The following ARHGAP32 variants were observed in gnomAD, a reference collection of about 807,000 sequenced individuals.
The protein encoded by ARHGAP32 is Rho GTPase activating protein 32, also known as rho GTPase-activating protein 32.
In ARHGAP32, 51 loss-of-function variants were observed where a neutral mutation model predicts 186.5. That is an observed-to-expected ratio of 0.27 (90% CI 0.22 to 0.35). ARHGAP32 has a LOEUF of 0.35. Ranked by LOEUF, ARHGAP32 falls within the 10% of genes least tolerant of loss-of-function variation. The pLI is 1.00. For synonymous variants in ARHGAP32, 950 were observed against 964.3 expected (o/e 0.99, Z 0.27); for missense variants, 2,186 against 2,623.5 (o/e 0.83, Z 3.64).
rs1311146233 is a variant in ARHGAP32, at chr11:128,967,552, T to C, written c.*1355A>G. The C allele has an allele frequency of 6.6e-6, 1 of 152,090 alleles. No homozygotes were observed. The highest frequency in any genetic ancestry group is 1.5e-5 in the Non-Finnish European group (1 of 68,020). 9.4% of individuals were successfully genotyped at this position (152,090 alleles called of 1,614,324 possible). Reference sequence around the variant, plus strand: ...CATAGAATGGAGTTGGGCTAGAGAGTTCCTACTCTAATAAGGAATGCAACT... The same window carrying C: ...CATAGAATGGAGTTGGGCTAGAGAGCTCCTACTCTAATAAGGAATGCAACT... On this transcript the variant is annotated 3_prime_UTR_variant, in exon 23 of 23. Transcript: ENST00000682385.
At chr11:129,160,896 G>A (rs1217982489) in intron 2 of ARHGAP32, among the ~76,000 whole-genome samples, 1 of 152,110 alleles carries the variant, frequency 6.6e-6, no homozygotes, top group East Asian at 1.9e-4. Flanking sequence ...CACGCTACCT[G>A]ACTTCAAACT....
chr11:129,121,052 A>T (rs993199837), intron 5 of ARHGAP32, among the ~76,000 whole-genome samples: 1 of 152,232 alleles, frequency 6.6e-6, no homozygotes, highest in East Asian at 1.9e-4. Flanking sequence ...CAAATGTGCT[A>T]ATTTTTACCT....
intron 1 of ARHGAP32, among the ~76,000 whole-genome samples, chr11:129,168,686 A>T (rs1334018628): frequency 6.6e-6 from 1 of 152,182 alleles, no homozygotes; most frequent in East Asian, 1.9e-4. Context: ...CACTAAACCC[A>T]ACAACTACAA....
At chr11:129,106,538 G>A in intron 5 of ARHGAP32, among the ~76,000 whole-genome samples, 1 of 152,026 alleles carries the variant, frequency 6.6e-6, no homozygotes, top group Non-Finnish European at 1.5e-5. Flanking sequence ...GAGGGTGGCA[G>A]TGAGGAAAAG....
rs1427570062 is a variant in ARHGAP32 at position 129,235,943 on chromosome 11, A to G, written c.-5+43203T>C. ...CACACACACACACACACACACACTC[A>G]CACACATTTTCTTTATCCACTCATT... On this transcript the variant is annotated intron_variant, in intron 1 of 6. Coordinates refer to the ARHGAP32 transcript ENST00000525234. Among the ~76,000 whole-genome samples the G allele has an allele frequency of 4.1e-5, 6 of 145,474 alleles. No individual in the cohort carries two copies. The East Asian group carries it at 1.2e-3, about 29-fold the overall frequency.
intron 1 of ARHGAP32, among the ~76,000 whole-genome samples, chr11:129,273,509 A>G (rs1157807324): frequency 2.0e-5 from 3 of 152,190 alleles, no homozygotes; most frequent in African/African-American, 7.2e-5. Context: ...CAGAGCCAAG[A>G]CAAACATCCA....
chr11:129,097,785 G>T (rs1941777940), intron 5 of ARHGAP32, among the ~76,000 whole-genome samples: 1 of 152,084 alleles, frequency 6.6e-6, no homozygotes, highest in South Asian at 2.1e-4. Context: ...TCCCAAATTT[G>T]ATAAAAGACA....
intron 1 of ARHGAP32, among the ~76,000 whole-genome samples, chr11:129,226,941 T>C (rs540783887): frequency 6.6e-6 from 1 of 152,194 alleles, no homozygotes; most frequent in South Asian, 2.1e-4. Flanking sequence ...AAAGCACAGG[T>C]AAAGCTAACT....
At chr11:129,153,452 C>T (rs1296548433) in intron 2 of ARHGAP32, among the ~76,000 whole-genome samples, 1 of 151,896 alleles carries the variant, frequency 6.6e-6, no homozygotes, top group African/African-American at 2.4e-5. Context: ...AAAGAACAAA[C>T]ATGGAGGCAT....
chr11:129,028,708 ACTG>A (rs1938969099), intron 11 of ARHGAP32, among the ~76,000 whole-genome samples: 1 of 152,204 alleles, frequency 6.6e-6, no homozygotes, highest in Admixed American at 6.5e-5. Context: ...ATGTGAAATA[ACTG>A]CTATTAAATT....
At chr11:129,193,638 ATG>A (rs1944335079), upstream of ARHGAP32, among the ~76,000 whole-genome samples, 2 of 82,708 alleles carry the variant, frequency 2.4e-5, no homozygotes, top group East Asian at 3.3e-4. Flanking sequence ...TATATAATAT[ATG>A]TTATATAATA....
At chr11:129,141,718 A>C (rs1242754243) in intron 2 of ARHGAP32, among the ~76,000 whole-genome samples, 8 of 151,462 alleles carry the variant, frequency 5.3e-5, no homozygotes, top group Admixed American at 2.6e-4. Context: ...AAAAAAAAAA[A>C]CTCTCTGCAT....
intron 1 of ARHGAP32, among the ~76,000 whole-genome samples, chr11:129,179,807 C>T (rs568251247): frequency 3.2e-4 from 38 of 117,666 alleles, no homozygotes; most frequent in African/African-American, 8.5e-4. Flanking sequence ...GGTGGGGGGA[C>T]GGGGGAGGGA....
chr11:129,227,020 A>C (rs545962806), intron 1 of ARHGAP32, among the ~76,000 whole-genome samples: 2 of 152,086 alleles, frequency 1.3e-5, no homozygotes, highest in African/African-American at 4.8e-5. Context: ...TTCTTCTTCT[A>C]CCTAATTTAA....
In ARHGAP32 at chr11:129,229,831, T is replaced by G. The variant is rs564511950; in HGVS notation, c.-5+49315A>C. Among the ~76,000 whole-genome samples, 148 of 152,206 alleles carry G rather than the reference T, an allele frequency of 9.7e-4. 1 individual carries two copies. Among genetic ancestry groups the G allele is most frequent in the East Asian group, 7.3e-3 (38 of 5,176 alleles). On this transcript the variant is annotated intron_variant, in intron 1 of 6. Transcript: ENST00000525234. The stretch of plus-strand genomic sequence containing the variant: ...GCCCAATTCCAAGCAACAATTTTTT[T>G]GGGGGTGGGAGGCAGGGTCTCACTC...
chr11:128,973,514 G>A, intron 21 of ARHGAP32, 82 bp from the exon 22 acceptor site: 1 of 1,455,704 alleles, frequency 6.9e-7, no homozygotes, highest in South Asian at 1.3e-5. Flanking sequence ...CTCCCCATGT[G>A]ATCATTAAAA....
At chr11:129,067,754 A>C (rs895738748) in intron 6 of ARHGAP32, among the ~76,000 whole-genome samples, 1 of 152,056 alleles carries the variant, frequency 6.6e-6, no homozygotes, top group Non-Finnish European at 1.5e-5. Flanking sequence ...GAGGGTCTGA[A>C]AGAAAAAGCC....
chr11:128,991,296 A>C (rs900677772), intron 12 of ARHGAP32, among the ~76,000 whole-genome samples: 2 of 152,202 alleles, frequency 1.3e-5, no homozygotes, highest in East Asian at 1.9e-4. Flanking sequence ...GTCTACACAA[A>C]AATCACATAA....
In ARHGAP32 at chr11:128,966,574, C is replaced by G. The variant is rs1428538701; in HGVS notation, c.*2333G>C. ...CAAATATTTACCTGATATTTCTAAACCCACAGGACATTTATTAATAAAGAA... is the reference window on the plus strand; with the variant it reads ...CAAATATTTACCTGATATTTCTAAAGCCACAGGACATTTATTAATAAAGAA... On this transcript the variant is annotated 3_prime_UTR_variant, in exon 23 of 23. Coordinates refer to ENST00000682385, the MANE Select transcript of ARHGAP32 (RefSeq NM_001378024.1). 6.6e-6 allele frequency: 1 copy of G among 152,168 alleles called. No homozygotes were observed. Among genetic ancestry groups the G allele is most frequent in the African/African-American group, 2.4e-5 (1 of 41,430 alleles). 9.4% of individuals were successfully genotyped at this position (152,168 alleles called of 1,614,324 possible). A position where few individuals can be genotyped will look rare whatever the true frequency, so the allele number is the denominator to read the frequency against.
Sources: allele counts gnomAD v4.1 joint callset (sites outside exome capture counted in the v4.1 genomes callset), GRCh38; gene constraint gnomAD v4.1.1; transcripts MANE v1.5; gene names NCBI Gene and HGNC (gene_info 2026-07-23, HGNC 2026-07-21).